The following GRK5 variants were observed in gnomAD, a reference collection of about 807,000 sequenced individuals.
The protein encoded by GRK5 is G protein-coupled receptor kinase 5, also known as g protein-coupled receptor kinase GRK5.
In GRK5, 40 loss-of-function variants were observed where a neutral mutation model predicts 78.4. The ratio of observed to expected loss-of-function variants is 0.51; its 90% confidence interval spans 0.40 to 0.66. The LOEUF (loss-of-function observed/expected upper bound fraction) is 0.66, where lower values mean the gene tolerates loss of function less well. GRK5 is among the 30% of genes least tolerant of loss of function. The probability of loss-of-function intolerance (pLI) is 0.00; values close to 1 mark genes in which losing one functional copy is unlikely to be tolerated. For synonymous variants in GRK5, 289 were observed against 296.8 expected (o/e 0.97, Z 0.27); for missense variants, 598 against 759.9 (o/e 0.79, Z 2.50).
At chr10:119,292,581 C>T (rs929444489) in intron 1 of GRK5, among the ~76,000 whole-genome samples, 24 of 152,206 alleles carry the variant, frequency 1.6e-4, no homozygotes, top group Admixed American at 4.6e-4. Context: ...AGATGGGATG[C>T]GGTGAGGGAC....
At chr10:119,335,173 T>TCTCC (rs1850857466) in intron 2 of GRK5, among the ~76,000 whole-genome samples, 1 of 123,698 alleles carries the variant, frequency 8.1e-6, no homozygotes, top group Non-Finnish European at 1.7e-5. Context: ...TCTCTCTCTC[T>TCTCC]CTCCCCCTCT....
intron 4 of GRK5, among the ~76,000 whole-genome samples, chr10:119,405,618 A>G (rs1388763646): frequency 2.3e-5 from 3 of 131,888 alleles, no homozygotes; most frequent in Non-Finnish European, 4.6e-5. Flanking sequence ...AGGCTGGGCC[A>G]CGGCTCCTCG....
chr10:119,282,090 G>T (rs1033842458), intron 1 of GRK5, among the ~76,000 whole-genome samples: 2 of 152,076 alleles, frequency 1.3e-5, no homozygotes, highest in African/African-American at 4.8e-5. Context: ...ATGCCAGTGT[G>T]CCCTGCTGTG....
At chr10:119,293,663 C>G (rs1325607798) in intron 1 of GRK5, among the ~76,000 whole-genome samples, 1 of 152,024 alleles carries the variant, frequency 6.6e-6, no homozygotes, top group African/African-American at 2.4e-5. Context: ...GCCTCCTCGT[C>G]ACTGCCCAGG....
At chr10:119,274,750 T>G (rs926468264) in intron 1 of GRK5, among the ~76,000 whole-genome samples, 2 of 152,178 alleles carry the variant, frequency 1.3e-5, no homozygotes, top group Non-Finnish European at 2.9e-5. Flanking sequence ...GCTGAGGGGC[T>G]TTCACATCCT....
chr10:119,352,454 C>G (rs1851199870), intron 2 of GRK5, among the ~76,000 whole-genome samples: 1 of 152,180 alleles, frequency 6.6e-6, no homozygotes, highest in Non-Finnish European at 1.5e-5. Context: ...ACTGTGTGCT[C>G]AGCATATGTG....
chr10:119,239,117 A>T (rs1387664189), intron 1 of GRK5, among the ~76,000 whole-genome samples: 1 of 152,170 alleles, frequency 6.6e-6, no homozygotes, highest in Non-Finnish European at 1.5e-5. Flanking sequence ...GGTATAATAA[A>T]ATAAATGAAA....
intron 3 of GRK5, among the ~76,000 whole-genome samples, chr10:119,395,051 G>A (rs965626040): frequency 7.9e-5 from 12 of 151,200 alleles, no homozygotes; most frequent in East Asian, 6.2e-4. Flanking sequence ...CTCTGCCCAC[G>A]CGGCGCAGTG....
intron 1 of GRK5, among the ~76,000 whole-genome samples, chr10:119,282,978 G>A (rs965592802): frequency 1.3e-5 from 2 of 152,162 alleles, no homozygotes; most frequent in African/African-American, 4.8e-5. Flanking sequence ...TGTGTCACTG[G>A]GGCCTGGTCC....
chr10:119,404,981 T>TTG (rs1852209644), intron 4 of GRK5, among the ~76,000 whole-genome samples: 2 of 152,244 alleles, frequency 1.3e-5, no homozygotes, highest in Admixed American at 6.5e-5. Flanking sequence ...CAGTGTTACT[T>TTG]GTAGGACATT....
In GRK5 at chr10:119,455,322, G is replaced by A. The variant is rs1189427836; in HGVS notation, c.*255G>A. 4 of 671,668 alleles carry A rather than the reference G, an allele frequency of 6.0e-6. No individual in the cohort carries two copies. The African/African-American group carries it at 7.1e-5, about 12-fold the overall frequency. The allele number at this position is 671,668 out of a possible 1,614,324, so 41.6% of individuals were successfully genotyped here. A position where few individuals can be genotyped will look rare whatever the true frequency, so the allele number is the denominator to read the frequency against. ...TGAACATTGCAATAGAAATCCAATT[G>A]GATACGACAACTTGCACGTATTTTA... On this transcript the variant is annotated 3_prime_UTR_variant, in exon 16 of 16. Coordinates refer to ENST00000392870, the MANE Select transcript of GRK5 (RefSeq NM_005308.3).
At chr10:119,396,329 A>C (rs1443941405) in intron 3 of GRK5, among the ~76,000 whole-genome samples, 1 of 152,220 alleles carries the variant, frequency 6.6e-6, no homozygotes, top group Non-Finnish European at 1.5e-5. Flanking sequence ...GATTCATCTA[A>C]GTCAGTGGTC....
In GRK5 at chr10:119,253,926, T is replaced by C. The variant is rs2133756984; in HGVS notation, c.52+45957T>C. On this transcript the variant is annotated intron_variant, in intron 1 of 15. Transcript: ENST00000392870. The surrounding 1 kb of genome is among the most constrained non-coding windows in gnomAD (Gnocchi z 5.7). ...CATGAGGCACACTTATTTTCAGATG[T>C]TCACATGGACTCTTTTTGAGATTCC... 6.6e-6 allele frequency among the ~76,000 whole-genome samples: 1 copy of C among 152,206 alleles called. No homozygotes were observed. The highest frequency in any genetic ancestry group is 2.4e-5 in the African/African-American group (1 of 41,524).
Position 119,443,640 on chromosome 10 carries a change from T to C in GRK5, c.1154T>C (p.Phe385Ser). Residue 385 changes from phenylalanine (F) to serine (S), a missense_variant, in exon 12 of 16, where the codon TTC (phenylalanine) becomes TCC (serine). Phe to Ser is a radical substitution (Grantham distance 155). Coordinates refer to ENST00000392870, the MANE Select transcript of GRK5 (RefSeq NM_005308.3). ...GAGATGATCGAGGGCCAGTCGCCGT[T>C]CCGCGGCCGCAAGGAGAAGGTGAAG... ...IYEMIEGQSP[F>S]RGRKEKVKRE... 6.2e-7 allele frequency: 1 copy of C among 1,613,552 alleles called. No individual in the cohort carries two copies. The highest frequency in any genetic ancestry group is 8.5e-7 in the Non-Finnish European group (1 of 1,179,924).
intron 1 of GRK5, among the ~76,000 whole-genome samples, chr10:119,219,345 C>T (rs1451276409): frequency 6.6e-6 from 1 of 152,212 alleles, no homozygotes; most frequent in East Asian, 1.9e-4. Context: ...TCCAAAGTAG[C>T]TGGGACTACA....
intron 3 of GRK5, among the ~76,000 whole-genome samples, chr10:119,395,285 A>T (rs1244459473): frequency 6.6e-6 from 1 of 152,234 alleles, no homozygotes; most frequent in Non-Finnish European, 1.5e-5. Flanking sequence ...AGAGGGCAAG[A>T]CAAGGACACT....
chr10:119,289,631 C>T (rs534702133), intron 1 of GRK5, among the ~76,000 whole-genome samples: 15 of 152,300 alleles, frequency 9.8e-5, no homozygotes, highest in African/African-American at 3.4e-4. Flanking sequence ...GTGGTGAACC[C>T]GGAGAAACAT....
At chr10:119,348,880 G>A (rs984861386) in intron 2 of GRK5, among the ~76,000 whole-genome samples, 3 of 152,178 alleles carry the variant, frequency 2.0e-5, no homozygotes, top group African/African-American at 7.2e-5. Context: ...GGTATAAATA[G>A]GAGTGCTGGG....
intron 13 of GRK5, among the ~76,000 whole-genome samples, chr10:119,450,821 G>C (rs778526945): frequency 1.3e-5 from 2 of 152,098 alleles, no homozygotes; most frequent in Non-Finnish European, 2.9e-5. Context: ...CTGTGGCCCA[G>C]GGCCTCTGTT....
Sources: gnomAD v4.1 joint callset for allele counts (sites outside exome capture counted in the v4.1 genomes callset) on GRCh38, gnomAD v4.1.1 for gene constraint, Gnocchi (gnomAD v3.1) non-coding constraint, MANE v1.5 for transcripts, NCBI Gene and HGNC (gene_info 2026-07-23, HGNC 2026-07-21) for gene names.